CCDC93: variants seen among roughly 807,000 people sequenced by gnomAD.
CCDC93 encodes the protein coiled-coil domain-containing protein 93.
CCDC93 carries 61 observed loss-of-function variants against 108.2 expected under a neutral mutation model. The ratio of observed to expected loss-of-function variants is 0.56; its 90% confidence interval spans 0.46 to 0.70. The LOEUF is 0.70. Among genes scored for constraint, CCDC93 ranks in the 30% least tolerant of loss-of-function variants. CCDC93 has a pLI of 0.00. For missense variants in CCDC93, 685 were observed against 764.2 expected, an observed-to-expected ratio of 0.90 and a Z score of 1.22; for synonymous variants, 276 against 260.4, an observed-to-expected ratio of 1.06 and a Z score of -0.58.
intron 6 of CCDC93, among the ~76,000 whole-genome samples, chr2:117,987,006 C>T (rs1420764459): frequency 1.4e-5 from 2 of 140,792 alleles, no homozygotes; most frequent in African/African-American, 2.6e-5. Context: ...GAGTCAGTAA[C>T]CCAAGGCAAG....
chr2:117,947,307 T>A (rs75620045), intron 15 of CCDC93, among the ~76,000 whole-genome samples: 10,560 of 152,180 alleles, frequency 0.069, 511 homozygotes, highest in Admixed American at 0.11. Context: ...GATCTAGCTT[T>A]TTGGTGGCTC....
At chr2:117,945,675 G>C in intron 16 of CCDC93, 93 bp from the exon 17 acceptor site, 1 of 1,034,412 alleles carries the variant, frequency 9.7e-7, no homozygotes, top group Non-Finnish European at 1.5e-6. Flanking sequence ...GCCAGGCAGG[G>C]GCATAAGGGT....
intron 23 of CCDC93, chr2:117,921,940 A>G: frequency 6.6e-6 from 1 of 151,378 alleles, no homozygotes; most frequent in Non-Finnish European, 1.5e-5. Context: ...CAGTGGGGGG[A>G]CAGAAATAAG....
chr2:117,965,893 AAAC>A (rs1219820104), intron 11 of CCDC93, among the ~76,000 whole-genome samples: 1 of 152,180 alleles, frequency 6.6e-6, no homozygotes, highest in Non-Finnish European at 1.5e-5. Flanking sequence ...CAGAAAAAAA[AAAC>A]AAAGACTTAA....
At chr2:117,965,525 T>C (rs1416882743) in intron 11 of CCDC93, among the ~76,000 whole-genome samples, 1 of 152,224 alleles carries the variant, frequency 6.6e-6, no homozygotes, top group Non-Finnish European at 1.5e-5. Context: ...AAGTCATCCA[T>C]TCTGCCTGGT....
At chr2:118,001,017 G>A (rs1260564337) in intron 3 of CCDC93, 85 bp from the exon 4 acceptor site, 18 of 802,004 alleles carry the variant, frequency 2.2e-5, no homozygotes, top group Admixed American at 1.2e-4. Flanking sequence ...CATCACAGAC[G>A]GATCTGGGAC....
intron 7 of CCDC93, among the ~76,000 whole-genome samples, chr2:117,981,230 T>C (rs1337746137): frequency 6.6e-6 from 1 of 152,184 alleles, no homozygotes; most frequent in East Asian, 1.9e-4. Context: ...AATATCCCCA[T>C]TGCCTGGCAG....
At chr2:117,922,014 TAAAAC>T (rs1677886247) in intron 23 of CCDC93, among the ~76,000 whole-genome samples, 1 of 151,950 alleles carries the variant, frequency 6.6e-6, no homozygotes, top group South Asian at 2.1e-4. Flanking sequence ...GACTCCAGCT[TAAAAC>T]AAATGGAGTG....
chr2:117,970,527 T>C (rs1679726706), intron 11 of CCDC93, among the ~76,000 whole-genome samples: 1 of 151,822 alleles, frequency 6.6e-6, no homozygotes, highest in Admixed American at 6.6e-5. Flanking sequence ...AAAAGTAAAA[T>C]AAAGTGCCTG....
intron 3 of CCDC93, among the ~76,000 whole-genome samples, chr2:118,006,031 T>A (rs1331173958): frequency 6.6e-6 from 1 of 151,800 alleles, no homozygotes; most frequent in African/African-American, 2.4e-5. Context: ...TTGTCCCCAC[T>A]TTTTTTTCCC....
At chr2:117,995,767 TC>T in intron 5 of CCDC93, 2 of 350,736 alleles carry the variant, frequency 5.7e-6, no homozygotes, top group South Asian at 7.9e-5. Context: ...TCATTTCAAA[TC>T]CTCTTAAGCA....
In CCDC93 at chr2:117,944,066, A is replaced by T; in HGVS notation, c.1371T>A (p.Tyr457Ter). The T allele has an allele frequency of 6.2e-7, 1 of 1,602,532 alleles. No homozygotes were observed. The highest frequency in any genetic ancestry group is 8.5e-7 in the Non-Finnish European group (1 of 1,173,956). ...TGTAAAGTTTCTCTTTCTCCATATTATACCGTCTGTCTAGGTCTTCCTAAA... is the reference window on the plus strand; with the variant it reads ...TGTAAAGTTTCTCTTTCTCCATATTTTACCGTCTGTCTAGGTCTTCCTAAA... ...MTHDEDLDRR[Y>*]NMEKEKLYKI... Residue 457 changes from tyrosine to a stop codon, truncating the protein, a stop_gained, in exon 18 of 24, where the codon TAT (tyrosine) becomes TAA (stop). Transcript: ENST00000376300. LOFTEE classifies it high-confidence loss of function.
At chr2:117,975,726 AG>A (rs1679923535) in intron 8 of CCDC93, among the ~76,000 whole-genome samples, 1 of 152,210 alleles carries the variant, frequency 6.6e-6, no homozygotes, top group African/African-American at 2.4e-5. Context: ...CTTTGTAGTG[AG>A]GGGTTAGGTA....
At chr2:117,988,695 A>T (rs1680390785) in intron 6 of CCDC93, among the ~76,000 whole-genome samples, 1 of 152,244 alleles carries the variant, frequency 6.6e-6, no homozygotes, top group South Asian at 2.1e-4. Context: ...GTTACTATAA[A>T]TGGGACAAAT....
intron 7 of CCDC93, among the ~76,000 whole-genome samples, chr2:117,982,756 G>C (rs1270265370): frequency 9.8e-4 from 1 of 1,020 alleles, no homozygotes; most frequent in African/African-American, 1.5e-3. Context: ...ATAGTGTAGT[G>C]GGGGGGGGGG....
At chr2:117,951,303 A>G (rs1360440101) in intron 13 of CCDC93, 3 of 985,332 alleles carry the variant, frequency 3.0e-6, no homozygotes, top group Non-Finnish European at 3.6e-6. Context: ...AAGGAAGCTA[A>G]TCTGTCCAAA....
At chr2:117,932,533 C>A (rs2104716647) in intron 22 of CCDC93, among the ~76,000 whole-genome samples, 1 of 152,174 alleles carries the variant, frequency 6.6e-6, no homozygotes, top group East Asian at 1.9e-4. Flanking sequence ...TCCTGAGTCC[C>A]AAGACCCTGT....
intron 11 of CCDC93, among the ~76,000 whole-genome samples, chr2:117,959,237 C>T (rs1292193796): frequency 1.3e-5 from 2 of 152,156 alleles, no homozygotes; most frequent in African/African-American, 4.8e-5. Context: ...AATACAAACA[C>T]CGCCTCAAGA....
At chr2:117,972,099 AC>A (rs1679782542) in intron 11 of CCDC93, among the ~76,000 whole-genome samples, 1 of 152,182 alleles carries the variant, frequency 6.6e-6, no homozygotes, top group Non-Finnish European at 1.5e-5. Flanking sequence ...CTCCATATAC[AC>A]TGGTTTTGCA....
Sources: gnomAD v4.1 joint callset for allele counts (sites outside exome capture counted in the v4.1 genomes callset) on GRCh38, gnomAD v4.1.1 for gene constraint, MANE v1.5 for transcripts, NCBI Gene and HGNC (gene_info 2026-07-23, HGNC 2026-07-21) for gene names.